CAMKMT: variants seen among roughly 807,000 people sequenced by gnomAD.
CAMKMT encodes calmodulin-lysine N-methyltransferase.
Under a neutral mutation model 48.0 loss-of-function variants are expected in CAMKMT, and 53 were observed. That is an observed-to-expected ratio of 1.10 (90% confidence interval 0.89 to 1.39). The LOEUF is 1.39. Ranked by LOEUF, CAMKMT falls within the 40% of genes most tolerant of loss-of-function variation. The pLI is 0.00. For synonymous variants in CAMKMT, 165 were observed against 152.3 expected, an observed-to-expected ratio of 1.08 and a Z score of -0.61; for missense variants, 428 against 402.7, an observed-to-expected ratio of 1.06 and a Z score of -0.54.
chr2:44,382,938 G>C (rs1225556157), intron 2 of CAMKMT, among the ~76,000 whole-genome samples: 1 of 152,112 alleles, frequency 6.6e-6, no homozygotes, highest in South Asian at 2.1e-4. Flanking sequence ...CCACATACTG[G>C]GGGGCTTAAA....
At chr2:44,404,512 A>G (rs1682645634) in intron 3 of CAMKMT, among the ~76,000 whole-genome samples, 1 of 152,156 alleles carries the variant, frequency 6.6e-6, no homozygotes. Context: ...TCAGTGCAAT[A>G]TATTTTAAGC....
At chr2:44,704,205 C>G in intron 3 of CAMKMT, 78 bp from the exon 4 acceptor site, 1 of 1,131,692 alleles carries the variant, frequency 8.8e-7, no homozygotes, top group Non-Finnish European at 1.3e-6. Flanking sequence ...ATAGCTTGTA[C>G]TGAACATTAT....
At chr2:44,480,687 A>G (rs893302476) in intron 3 of CAMKMT, among the ~76,000 whole-genome samples, 2 of 152,178 alleles carry the variant, frequency 1.3e-5, no homozygotes, top group Admixed American at 6.5e-5. Context: ...ACTAATGGCA[A>G]TGTATGAGTA....
At chr2:44,456,853 G>T (rs1463804800) in intron 3 of CAMKMT, 1 of 422,682 alleles carries the variant, frequency 2.4e-6, no homozygotes, top group Non-Finnish European at 4.2e-6. Flanking sequence ...TACAAAGCTA[G>T]TGTCTGGGAT....
At chr2:44,364,278 T>G (rs190228286) in intron 1 of CAMKMT, among the ~76,000 whole-genome samples, 1 of 152,264 alleles carries the variant, frequency 6.6e-6, no homozygotes, top group African/African-American at 2.4e-5. Flanking sequence ...ACATCGAAAC[T>G]TTTGGTATAT....
At chr2:44,762,985 T>G (rs1483196419) in intron 9 of CAMKMT, among the ~76,000 whole-genome samples, 2 of 152,232 alleles carry the variant, frequency 1.3e-5, no homozygotes, top group Non-Finnish European at 2.9e-5. Context: ...AAATCCATAT[T>G]CCTTTTCTGG....
In CAMKMT at chr2:44,550,273, T is replaced by A. The variant is rs182121156; in HGVS notation, c.377-154010T>A. Reference sequence around the variant, plus strand: ...AAAATTAGGCAGGTCTGGTGACACATGACTGTAGTCCCAGCTACTCTAGAG... The same window carrying A: ...AAAATTAGGCAGGTCTGGTGACACAAGACTGTAGTCCCAGCTACTCTAGAG... On this transcript the variant is annotated intron_variant, in intron 3 of 10. Transcript: ENST00000378494. 1.6e-3 allele frequency among the ~76,000 whole-genome samples: 237 copies of A among 151,990 alleles called. 2 individuals are homozygous for A. The highest frequency in any genetic ancestry group is 5.4e-3 in the African/African-American group (222 of 41,446).
intron 9 of CAMKMT, among the ~76,000 whole-genome samples, chr2:44,759,557 G>A (rs1370425997): frequency 6.6e-6 from 1 of 152,110 alleles, no homozygotes; most frequent in Non-Finnish European, 1.5e-5. Flanking sequence ...ACCGTGAACT[G>A]AAATGGTGCT....
chr2:44,547,132 T>G (rs1158961455), intron 3 of CAMKMT, among the ~76,000 whole-genome samples: 5 of 152,214 alleles, frequency 3.3e-5, no homozygotes, highest in South Asian at 2.1e-4. Context: ...TGTTATTTTC[T>G]GTATCCTCAA....
intron 3 of CAMKMT, among the ~76,000 whole-genome samples, chr2:44,666,111 A>T (rs957354897): frequency 1.2e-4 from 19 of 152,196 alleles, no homozygotes; most frequent in Admixed American, 1.2e-3. Context: ...AGGCAGATGG[A>T]AATGTAGGTT....
At chr2:44,765,088 C>T (rs777136146) in intron 9 of CAMKMT, among the ~76,000 whole-genome samples, 3 of 151,962 alleles carry the variant, frequency 2.0e-5, no homozygotes, top group African/African-American at 4.8e-5. Flanking sequence ...ATTAGCCAGG[C>T]GTGGTGGACT....
intron 3 of CAMKMT, among the ~76,000 whole-genome samples, chr2:44,500,524 A>C (rs1669955318): frequency 6.6e-6 from 1 of 152,128 alleles, no homozygotes; most frequent in African/African-American, 2.4e-5. Context: ...TTTTTAAATA[A>C]GATAATGTAA....
At chr2:44,385,161 T>C (rs1382483113) in intron 2 of CAMKMT, among the ~76,000 whole-genome samples, 1 of 152,116 alleles carries the variant, frequency 6.6e-6, no homozygotes, top group Non-Finnish European at 1.5e-5. Context: ...TTCTTTCAGC[T>C]GTGTTTTGTA....
At chr2:44,531,144 T>A (rs1348544460) in intron 3 of CAMKMT, among the ~76,000 whole-genome samples, 1 of 152,120 alleles carries the variant, frequency 6.6e-6, no homozygotes, top group African/African-American at 2.4e-5. Flanking sequence ...ATGTAGTTAA[T>A]AAACCTATTC....
chr2:44,366,896 A>G (rs940358023), intron 1 of CAMKMT, among the ~76,000 whole-genome samples: 1 of 151,178 alleles, frequency 6.6e-6, no homozygotes, highest in Admixed American at 6.6e-5. Flanking sequence ...TAATTTTTGT[A>G]TTTTTTTTGG....
At chr2:44,372,963 A>G (rs1486908574) in intron 2 of CAMKMT, 75 bp downstream of exon 2, 1 of 1,314,310 alleles carries the variant, frequency 7.6e-7, no homozygotes, top group East Asian at 2.4e-5. Flanking sequence ...AATAAGAATC[A>G]TCATTATTTA....
At chr2:44,430,274 C>T (rs1001385042) in intron 3 of CAMKMT, among the ~76,000 whole-genome samples, 1 of 151,866 alleles carries the variant, frequency 6.6e-6, no homozygotes, top group Non-Finnish European at 1.5e-5. Context: ...CTTTTTGTCT[C>T]CTTTAGCAGC....
chr2:44,467,734 T>A (rs1295300066), intron 3 of CAMKMT, among the ~76,000 whole-genome samples: 1 of 152,134 alleles, frequency 6.6e-6, no homozygotes, highest in Non-Finnish European at 1.5e-5. Context: ...GAGAAAGGTA[T>A]TCCAAAAATA....
chr2:44,395,589 G>A (rs1681760353), intron 3 of CAMKMT, among the ~76,000 whole-genome samples: 2 of 152,070 alleles, frequency 1.3e-5, no homozygotes, highest in South Asian at 2.1e-4. Flanking sequence ...TTAGCTCTGC[G>A]GGTTATTAGC....
Sources: allele counts gnomAD v4.1 joint callset (sites outside exome capture counted in the v4.1 genomes callset), GRCh38; gene constraint gnomAD v4.1.1; transcripts MANE v1.5; gene names NCBI Gene and HGNC (gene_info 2026-07-23, HGNC 2026-07-21).